The following CACNA1G variants were observed in gnomAD, a reference collection of about 807,000 sequenced individuals.
CACNA1G encodes the protein voltage-dependent T-type calcium channel subunit alpha-1G.
CACNA1G carries 67 observed loss-of-function variants against 219.4 expected under a neutral mutation model. That is an observed-to-expected ratio of 0.31 (90% confidence interval 0.25 to 0.37). The LOEUF (loss-of-function observed/expected upper bound fraction) is 0.37. Ranked by LOEUF, CACNA1G falls within the 10% of genes least tolerant of loss-of-function variation. The probability of loss-of-function intolerance (pLI) is 1.00; values close to 1 mark genes in which losing one functional copy is unlikely to be tolerated. For synonymous variants in CACNA1G, 1,296 were observed against 1,345.3 expected (o/e 0.96, Z 0.80); for missense variants, 2,380 against 3,231.4 (o/e 0.74, Z 6.39).
At chr17:50,619,500 C>T (rs756030733) in intron 33 of CACNA1G, among the ~76,000 whole-genome samples, 183 bp from the exon 34 acceptor site, 4 of 143,426 alleles carry the variant, frequency 2.8e-5, no homozygotes, top group Non-Finnish European at 6.2e-5. Context: ...CCACCCCCTC[C>T]TCTTTTTCTC....
At chr17:50,580,897 C>T (rs1461276306) in intron 9 of CACNA1G, among the ~76,000 whole-genome samples, 1 of 152,124 alleles carries the variant, frequency 6.6e-6, no homozygotes, top group Non-Finnish European at 1.5e-5. Context: ...CGTGAACGTC[C>T]CGCCATCTGG....
chr17:50,567,304 C>A (rs2038161323), intron 1 of CACNA1G, among the ~76,000 whole-genome samples: 1 of 152,116 alleles, frequency 6.6e-6, no homozygotes, highest in Non-Finnish European at 1.5e-5. Context: ...CATTAGGACT[C>A]TCGGGGTACC....
chr17:50,618,847 G>C lies in CACNA1G; in HGVS notation c.5620G>C (p.Glu1874Gln). ...CGAGCTAGAGGCTGAGCTGGAGCTGGAGATGAAGACCCTCAGCCCCCAGCC... is the reference window on the plus strand; with the variant it reads ...CGAGCTAGAGGCTGAGCTGGAGCTGCAGATGAAGACCCTCAGCCCCCAGCC... ...EAELEAELELEMKTLSPQPHS... is the reference protein window; with the variant it reads ...EAELEAELELQMKTLSPQPHS... Residue 1874 changes from glutamate to glutamine, a missense_variant, in exon 33 of 38, where the codon GAG becomes CAG. By Grantham distance (29) the Glu-to-Gln change is conservative. Transcript: ENST00000359106. The surrounding 1 kb of genome is among the most constrained non-coding windows in gnomAD (Gnocchi z 5.3). 1 of 1,613,646 alleles carries C rather than the reference G, an allele frequency of 6.2e-7. No homozygotes were observed. The highest frequency in any genetic ancestry group is 8.5e-7 in the Non-Finnish European group (1 of 1,179,870).
intron 7 of CACNA1G, among the ~76,000 whole-genome samples, chr17:50,574,050 C>G (rs1026258624): frequency 6.6e-6 from 1 of 152,196 alleles, no homozygotes; most frequent in African/African-American, 2.4e-5. Context: ...GCTGTAACAT[C>G]TGCTGCCTGT....
At chr17:50,572,920 A>C in intron 6 of CACNA1G, 66 bp downstream of exon 6, 1 of 1,581,400 alleles carries the variant, frequency 6.3e-7, no homozygotes, top group Non-Finnish European at 8.6e-7. Flanking sequence ...CCAGGATCGG[A>C]GTGGTCGCTC....
At chr17:50,572,531 C>T in intron 5 of CACNA1G, 23 bp from the exon 6 acceptor site, 2 of 1,512,176 alleles carry the variant, frequency 1.3e-6, no homozygotes, top group South Asian at 1.3e-5. Flanking sequence ...AGTCTCACCC[C>T]TGTTCCCCTT....
In CACNA1G at chr17:50,626,804, T is replaced by G. The variant is rs1376875329; in HGVS notation, c.*53T>G. ...TCTCCACTGGGTGCCAAGTCCTAGC[T>G]CCTCCTCCTGGGCTATATTCCTGAC... On this transcript the variant is annotated 3_prime_UTR_variant, in exon 38 of 38. Transcript: ENST00000359106. The surrounding 1 kb of genome is among the most constrained non-coding windows in gnomAD (Gnocchi z 4.3). 3.1e-6 allele frequency: 5 copies of G among 1,610,160 alleles called. No individual in the cohort carries two copies. Among genetic ancestry groups the G allele is most frequent in the Non-Finnish European group, 4.2e-6 (5 of 1,177,782 alleles).
rs181813447 is a variant in CACNA1G, at chr17:50,608,715, C to T, written c.4705+696C>T. ...TGGGTGGGTGAAGCCCCCATCCGTC[C>T]GTCCTCATGCCCTTATGCCATGGGT... is the stretch of plus-strand genomic sequence containing the variant. On this transcript the variant is annotated intron_variant, in intron 25 of 37. Coordinates refer to ENST00000359106, the MANE Select transcript of CACNA1G (RefSeq NM_018896.5). Among the ~76,000 whole-genome samples the T allele has an allele frequency of 1.7e-3, 257 of 152,276 alleles. 1 individual carries two copies. The highest frequency in any genetic ancestry group is 5.7e-3 in the African/African-American group (235 of 41,550).
In CACNA1G at chr17:50,599,644, C is replaced by T. The variant is rs779939904; in HGVS notation, c.3475C>T (p.Arg1159Cys). Residue 1159 changes from arginine to cysteine, a missense_variant, in exon 17 of 38, where the codon CGC (arginine) becomes TGC (cysteine). Arg to Cys is a radical substitution (Grantham distance 180). Coordinates refer to ENST00000359106, the MANE Select transcript of CACNA1G (RefSeq NM_018896.5). ...GGCCAGCCCTGCGGGCAGTGACCAT[C>T]GCCACAGGGGGTCCCTGGAGCGGGA... The part of the protein sequence containing the change: ...ERASPAGSDH[R>C]HRGSLEREAK... The T allele has an allele frequency of 3.1e-5, 50 of 1,612,806 alleles. No homozygotes were observed. The highest frequency in any genetic ancestry group is 1.6e-4 in the Middle Eastern group (1 of 6,072).
In CACNA1G at chr17:50,624,340, C is replaced by T; in HGVS notation, c.6230-20C>T. On this transcript the variant is annotated intron_variant, in intron 36 of 37. Transcript: ENST00000359106. ...TCCATTCTCTCCCCCCACCCCTCCC[C>T]CGCTTCCCTCCCTCCACAGGCTCCG... is the stretch of plus-strand genomic sequence containing the variant. 1 of 1,507,120 alleles carries T rather than the reference C, an allele frequency of 6.6e-7. No homozygotes were observed. Among genetic ancestry groups the T allele is most frequent in the Non-Finnish European group, 9.0e-7 (1 of 1,104,998 alleles). The allele number at this position is 1,507,120 out of a possible 1,614,324, so 93.4% of individuals were successfully genotyped here.
intron 22 of CACNA1G, among the ~76,000 whole-genome samples, chr17:50,605,172 C>T (rs1184678693): frequency 2.0e-5 from 3 of 152,162 alleles, no homozygotes; most frequent in African/African-American, 2.4e-5. Flanking sequence ...TTGTTGAGCC[C>T]AGTCCTTCCG....
chr17:50,616,409 G>A, intron 28 of CACNA1G, 25 bp downstream of exon 28: 2 of 1,374,130 alleles, frequency 1.5e-6, no homozygotes, highest in Non-Finnish European at 2.1e-6. Flanking sequence ...GGGGGTCTTG[G>A]GGACTTGCGT....
Position 50,618,513 on chromosome 17 carries a change from G to C in CACNA1G, c.5428-142G>C. 3.8e-6 allele frequency: 4 copies of C among 1,059,062 alleles called. No homozygotes were observed. In the South Asian group the frequency reaches 5.9e-5, roughly 16 times the overall value. 65.6% of individuals were successfully genotyped at this position (1,059,062 alleles called of 1,614,324 possible). A position where few individuals can be genotyped will look rare whatever the true frequency, so the allele number is the denominator to read the frequency against. On this transcript the variant is annotated intron_variant, in intron 32 of 37. Coordinates refer to ENST00000359106, the MANE Select transcript of CACNA1G (RefSeq NM_018896.5). This position sits in a 1 kb window ranked among gnomAD's most constrained non-coding sequence, Gnocchi z 5.3. ...GAACATGCTCTGACTCACACTTGTA[G>C]TGCTCCTCTGCCCCCAAACACTCCC...
chr17:50,601,200 A>T, intron 19 of CACNA1G, 26 bp downstream of exon 19: 1 of 1,612,684 alleles, frequency 6.2e-7, no homozygotes, highest in Non-Finnish European at 8.5e-7. Flanking sequence ...CGCTCAGGGC[A>T]AGGCCTCTCC....
At chr17:50,565,388 G>GGGC (rs1555632714) in intron 1 of CACNA1G, among the ~76,000 whole-genome samples, 1 of 140,132 alleles carries the variant, frequency 7.1e-6, no homozygotes, top group African/African-American at 2.7e-5. Flanking sequence ...GGGGTGGGGC[G>GGGC]GGGGGTTCTG....
rs374247829 is a variant in CACNA1G, at chr17:50,621,264, ATT to A, written c.5926-383_5926-382del. 2.2e-5 allele frequency among the ~76,000 whole-genome samples: 3 copies of A among 138,618 alleles called. No homozygotes were observed. Among genetic ancestry groups the A allele is most frequent in the African/African-American group, 2.7e-5 (1 of 37,644 alleles). 90.9% of individuals were successfully genotyped at this position (138,618 alleles called of 152,430 possible). ...GACAGTGCTTTGCTGGCCTTTCTTC[ATT>A]TTTTTTTTTTTTGGTATCATCTTTT... On this transcript the variant is annotated intron_variant, in intron 34 of 37. Transcript: ENST00000359106. This position sits in a 1 kb window ranked among gnomAD's most constrained non-coding sequence, Gnocchi z 4.6.
intron 19 of CACNA1G, 55 bp downstream of exon 19, chr17:50,601,229 C>T: frequency 2.5e-6 from 4 of 1,595,342 alleles, no homozygotes; most frequent in Non-Finnish European, 3.4e-6. Flanking sequence ...GCACTCAGGA[C>T]CAGTGAGGGA....
intron 37 of CACNA1G, among the ~76,000 whole-genome samples, chr17:50,624,912 C>CACTTT (rs1222154879): frequency 6.6e-6 from 1 of 151,028 alleles, no homozygotes; most frequent in Non-Finnish European, 1.5e-5. Flanking sequence ...TAAGTGTCTT[C>CACTTT]ACTTTTGGCC....
intron 35 of CACNA1G, among the ~76,000 whole-genome samples, chr17:50,623,274 T>A (rs1477216875): frequency 2.2e-5 from 3 of 138,248 alleles, no homozygotes; most frequent in African/African-American, 5.5e-5. Context: ...TTTTTTTTTT[T>A]TTTTTTTTTT....
Sources: gnomAD v4.1 joint callset for allele counts (sites outside exome capture counted in the v4.1 genomes callset) on GRCh38, gnomAD v4.1.1 for gene constraint, Gnocchi (gnomAD v3.1) non-coding constraint, MANE v1.5 for transcripts, NCBI Gene and HGNC (gene_info 2026-07-23, HGNC 2026-07-21) for gene names.